MYO3B: variants seen among roughly 807,000 people sequenced by gnomAD.
MYO3B encodes the protein myosin-IIIb.
MYO3B carries 156 observed loss-of-function variants against 174.6 expected under a neutral mutation model. The ratio of observed to expected loss-of-function variants is 0.89; its 90% confidence interval spans 0.78 to 1.02. The LOEUF is 1.02. Ranked by LOEUF, MYO3B falls within the 50% of genes least tolerant of loss-of-function variation. The pLI, the probability that MYO3B is intolerant of heterozygous loss-of-function variation, is 0.00. For synonymous variants in MYO3B, 563 were observed against 569.1 expected (o/e 0.99, Z 0.15); for missense variants, 1,632 against 1,639.4 (o/e 1.00, Z 0.08).
intron 32 of MYO3B, chr2:170,601,977 C>A: frequency 1.2e-6 from 1 of 856,182 alleles, no homozygotes; most frequent in Admixed American, 1.9e-5. Context: ...TCTTTTTTGT[C>A]TCCCCTTTAG....
intron 7 of MYO3B, among the ~76,000 whole-genome samples, chr2:170,249,427 A>G (rs182047529): frequency 6.6e-6 from 1 of 152,184 alleles, no homozygotes; most frequent in Non-Finnish European, 1.5e-5. Flanking sequence ...TTAGTAACAG[A>G]TGTTCTTATT....
chr2:170,466,212 A>C (rs1359886913), intron 24 of MYO3B, among the ~76,000 whole-genome samples: 1 of 151,672 alleles, frequency 6.6e-6, no homozygotes, highest in Non-Finnish European at 1.5e-5. Flanking sequence ...ACCAGCGACA[A>C]GCATTCTAGT....
rs1030777277 is a variant in MYO3B, at chr2:170,387,250, A to T, written c.1519A>T (p.Met507Leu). 3.1e-6 allele frequency: 5 copies of T among 1,614,158 alleles called. No individual in the cohort carries two copies. Among genetic ancestry groups the T allele is most frequent in the East Asian group, 2.2e-5 (1 of 44,878 alleles). ...EMMFTPTGVV[M>L]GARISEYLLE... is the part of the protein sequence containing the mutation. ...GATGTTTACACCAACTGGAGTTGTG[A>T]TGGGGGCAAGAATCTCTGAATATCT... The change falls in exon 14 of 35, where the codon ATG (methionine) becomes TTG (leucine). Residue 507 changes from methionine (M) to leucine (L), a missense_variant. Physicochemically the swap from Met to Leu is conservative, Grantham distance 15. Coordinates refer to ENST00000408978, the MANE Select transcript of MYO3B (RefSeq NM_138995.5).
At chr2:170,632,368 CTGA>C (rs1266257968) in intron 32 of MYO3B, among the ~76,000 whole-genome samples, 2 of 152,120 alleles carry the variant, frequency 1.3e-5, no homozygotes, top group Non-Finnish European at 2.9e-5. Flanking sequence ...CAACCTGCTC[CTGA>C]ATGACTACTG....
chr2:170,298,968 C>A (rs2093646855), intron 7 of MYO3B, among the ~76,000 whole-genome samples: 1 of 151,922 alleles, frequency 6.6e-6, no homozygotes, highest in Non-Finnish European at 1.5e-5. Flanking sequence ...GGTCCATGGG[C>A]TAGGAGGAAT....
chr2:170,432,256 G>A (rs773531560), intron 22 of MYO3B, among the ~76,000 whole-genome samples: 1 of 152,100 alleles, frequency 6.6e-6, no homozygotes, highest in Non-Finnish European at 1.5e-5. Flanking sequence ...GTGTGTTATT[G>A]CCCCATAGAC....
chr2:170,515,010 G>A lies in MYO3B; in HGVS notation c.3460G>A (p.Gly1154Ser), dbSNP rs756342927. 6 of 1,613,830 alleles carry A rather than the reference G, an allele frequency of 3.7e-6. No individual in the cohort carries two copies. The highest frequency in any genetic ancestry group is 5.1e-6 in the Non-Finnish European group (6 of 1,179,848). Residue 1154 changes from glycine to serine, a missense_variant, in exon 29 of 35, where the codon GGT (glycine) becomes AGT (serine). Physicochemically the swap from Gly to Ser is moderately conservative, Grantham distance 56 (BLOSUM62 0). Transcript: ENST00000408978. ...CGAGGTTCAAGACTGCAGCGAGCCT[G>A]GTGACCATAAAGGTAGAGTCTTTCG... ...SAEVQDCSEP[G>S]DHKVLRGSVH...
chr2:170,648,692 ATATAATATATATTATATTC>A, intron 32 of MYO3B, among the ~76,000 whole-genome samples: 1 of 124,232 alleles, frequency 8.0e-6, no homozygotes, highest in African/African-American at 3.2e-5. Context: ...ATTATATTCT[ATATAATATATATTATATTC>A]TATATAATAT....
intron 20 of MYO3B, among the ~76,000 whole-genome samples, chr2:170,405,055 T>A (rs2094501778): frequency 6.6e-6 from 1 of 152,232 alleles, no homozygotes. Context: ...CAGTTTCTCA[T>A]ACTTAGTAAG....
chr2:170,206,215 G>C lies in MYO3B; in HGVS notation c.321+5931G>C, dbSNP rs2092712329. Among the ~76,000 whole-genome samples, 1 of 151,682 alleles carries C rather than the reference G, an allele frequency of 6.6e-6. No homozygotes were observed. The highest frequency in any genetic ancestry group is 1.5e-5 in the Non-Finnish European group (1 of 67,968). ...TTCACAGAATCTTCTTTCCCTTCATGTCCACCTGCCCCAAACCCATTTGTC... is the reference window on the plus strand; with the variant it reads ...TTCACAGAATCTTCTTTCCCTTCATCTCCACCTGCCCCAAACCCATTTGTC... On this transcript the variant is annotated intron_variant, in intron 3 of 34. Transcript: ENST00000408978. The surrounding 1 kb of genome is among the most constrained non-coding windows in gnomAD (Gnocchi z 4.3).
chr2:170,281,318 C>A (rs1427629466), intron 7 of MYO3B, among the ~76,000 whole-genome samples: 1 of 152,032 alleles, frequency 6.6e-6, no homozygotes, highest in Non-Finnish European at 1.5e-5. Flanking sequence ...AATATATATT[C>A]TTCTCATTGT....
intron 23 of MYO3B, among the ~76,000 whole-genome samples, chr2:170,445,214 G>C (rs2094831643): frequency 6.6e-6 from 1 of 152,118 alleles, no homozygotes; most frequent in Admixed American, 6.5e-5. Flanking sequence ...TGCAGCATTT[G>C]TGTCATTGAA....
intron 7 of MYO3B, among the ~76,000 whole-genome samples, chr2:170,310,665 C>CAAAAAAAAAAAAAAA (rs746315736): frequency 3.3e-5 from 2 of 61,458 alleles, no homozygotes; most frequent in Non-Finnish European, 5.2e-5. Context: ...GACTCCATCT[C>CAAAAAAAAAAAAAAA]AAAAAAAAAA....
Position 170,205,500 on chromosome 2 carries a change from G to A in MYO3B, c.321+5216G>A, listed in dbSNP as rs563747806. On this transcript the variant is annotated intron_variant, in intron 3 of 34. Coordinates refer to ENST00000408978, the MANE Select transcript of MYO3B (RefSeq NM_138995.5). ...AGGGTGGGGAGTGGTCCTGATGAAGGTTCTGTTGTGCTTTGCATCCCTATT... is the reference window on the plus strand; with the variant it reads ...AGGGTGGGGAGTGGTCCTGATGAAGATTCTGTTGTGCTTTGCATCCCTATT... Among the ~76,000 whole-genome samples the A allele has an allele frequency of 7.2e-5, 11 of 152,286 alleles. No individual in the cohort carries two copies. The Middle Eastern group carries it at 0.01, about 141-fold the overall frequency.
chr2:170,624,778 G>A (rs1374700532), intron 32 of MYO3B, among the ~76,000 whole-genome samples: 2 of 152,124 alleles, frequency 1.3e-5, no homozygotes, highest in Non-Finnish European at 2.9e-5. Context: ...AGCATAAAAG[G>A]CTGTTGAATT....
At chr2:170,289,223 A>G (rs1054168565) in intron 7 of MYO3B, among the ~76,000 whole-genome samples, 3 of 152,070 alleles carry the variant, frequency 2.0e-5, no homozygotes, top group Non-Finnish European at 4.4e-5. Context: ...CTGTCCTTGT[A>G]GAATAGTTGG....
intron 25 of MYO3B, among the ~76,000 whole-genome samples, chr2:170,492,446 G>C (rs1378901542): frequency 6.6e-6 from 1 of 152,198 alleles, no homozygotes. Context: ...TCTGAAGCCT[G>C]ATCAGTTAAG....
chr2:170,387,044 T>G, intron 13 of MYO3B, 62 bp from the exon 14 acceptor site: 4 of 1,561,802 alleles, frequency 2.6e-6, no homozygotes, highest in Non-Finnish European at 3.5e-6. Context: ...GGATGGTGCC[T>G]GGCAACTTTG....
intron 7 of MYO3B, among the ~76,000 whole-genome samples, chr2:170,306,834 C>T (rs367956325): frequency 2.0e-5 from 3 of 152,104 alleles, no homozygotes; most frequent in African/African-American, 4.8e-5. Context: ...CATCTTAGTG[C>T]ATAAAAATCA....
Sources: gnomAD v4.1 joint callset for allele counts (sites outside exome capture counted in the v4.1 genomes callset) on GRCh38, gnomAD v4.1.1 for gene constraint, Gnocchi (gnomAD v3.1) non-coding constraint, MANE v1.5 for transcripts, NCBI Gene and HGNC (gene_info 2026-07-23, HGNC 2026-07-21) for gene names.